Variants in JAML observed in about 807,000 individuals in gnomAD.
JAML encodes the protein junctional adhesion molecule-like.
Under a neutral mutation model 39.3 loss-of-function variants are expected in JAML, and 25 were observed. That is an observed-to-expected ratio of 0.64 (90% confidence interval 0.46 to 0.89). The LOEUF (loss-of-function observed/expected upper bound fraction) is 0.89, where lower values mean the gene tolerates loss of function less well. JAML is among the 40% of genes least tolerant of loss of function. The probability of loss-of-function intolerance (pLI) is 0.00; values close to 1 mark genes in which losing one functional copy is unlikely to be tolerated. For synonymous variants in JAML, 162 were observed against 179.2 expected (o/e 0.90, Z 0.77); for missense variants, 440 against 486.9 (o/e 0.90, Z 0.91).
intron 4 of JAML, chr11:118,209,205 A>C (rs1948989585): frequency 4.2e-6 from 1 of 236,772 alleles, no homozygotes; most frequent in Non-Finnish European, 8.4e-6. Flanking sequence ...ACCCAGTCAA[A>C]GAGGCGAAAA....
At chr11:118,211,882 A>G (rs1644200686) in intron 3 of JAML, among the ~76,000 whole-genome samples, 1 of 152,174 alleles carries the variant, frequency 6.6e-6, no homozygotes, top group African/African-American at 2.4e-5. Context: ...GGAGAAAATG[A>G]TGATTCCCCA....
intron 7 of JAML, 114 bp from the exon 8 acceptor site, chr11:118,198,205 T>C (rs1948700996): frequency 3.5e-6 from 3 of 856,092 alleles, no homozygotes; most frequent in Non-Finnish European, 5.7e-6. Context: ...GAAGGAACTA[T>C]TCTCTCTGGA....
rs999198205 is a variant in JAML, at chr11:118,222,301, T to C, written c.-21+2640A>G. Among the ~76,000 whole-genome samples the C allele has an allele frequency of 5.3e-5, 8 of 151,786 alleles. No homozygotes were observed. The highest frequency in any genetic ancestry group is 6.6e-5 in the Admixed American group (1 of 15,266). ...TGGATGTAGTGGCAGGCACCTGTAG[T>C]CCTAGCTACTCAGGAGGCTGAAGTG... is the stretch of plus-strand genomic sequence containing the variant. On this transcript the variant is annotated intron_variant, in intron 1 of 9. Transcript: ENST00000356289. This position sits in a 1 kb window ranked among gnomAD's most constrained non-coding sequence, Gnocchi z 4.2.
At chr11:118,205,757 G>C (rs548334829) in intron 5 of JAML, 125 bp downstream of exon 5, 2 of 792,242 alleles carry the variant, frequency 2.5e-6, no homozygotes, top group Non-Finnish European at 4.3e-6. Flanking sequence ...CTAGGAGAAG[G>C]TCCAGTTCTG....
chr11:118,204,536 A>G (rs559032507), intron 5 of JAML: 4 of 152,352 alleles, frequency 2.6e-5, no homozygotes, highest in South Asian at 4.1e-4. Context: ...TGCTCCTTGC[A>G]TACTGGCTGC....
At chr11:118,194,456 A>G (rs1189202997) in intron 9 of JAML, 39 bp from the exon 10 acceptor site, 2 of 1,536,000 alleles carry the variant, frequency 1.3e-6, no homozygotes, top group Admixed American at 1.7e-5. Context: ...ACATGCTTGT[A>G]AGAAGTAGTT....
chr11:118,196,938 G>A (rs992117252), intron 8 of JAML, 117 bp from the exon 9 acceptor site: 2 of 754,136 alleles, frequency 2.7e-6, no homozygotes, highest in Admixed American at 4.3e-5. Flanking sequence ...TGGTTCAGAG[G>A]GTTACTGAGA....
Position 118,194,249 on chromosome 11 carries a change from C to T in JAML, c.*76G>A, listed in dbSNP as rs1049065787. The T allele has an allele frequency of 2.5e-5, 32 of 1,298,858 alleles. 1 individual carries two copies. Among genetic ancestry groups the T allele is most frequent in the Admixed American group, 1.0e-4 (6 of 58,778 alleles). The allele number at this position is 1,298,858 out of a possible 1,614,324, so 80.5% of individuals were successfully genotyped here. A position where few individuals can be genotyped will look rare whatever the true frequency, so the allele number is the denominator to read the frequency against. Reference sequence around the variant, plus strand: ...AGCTGGGAGAGCGGGAGTCTGAAATCACTGGTAGAGTGGCCCAGGACACAC... The same window carrying T: ...AGCTGGGAGAGCGGGAGTCTGAAATTACTGGTAGAGTGGCCCAGGACACAC... On this transcript the variant is annotated 3_prime_UTR_variant, in exon 10 of 10. Transcript: ENST00000356289.
At chr11:118,216,905 C>G (rs1949150076) in intron 1 of JAML, among the ~76,000 whole-genome samples, 1 of 152,190 alleles carries the variant, frequency 6.6e-6, no homozygotes, top group East Asian at 1.9e-4. Context: ...CACCTTGCCC[C>G]ATACATACAT....
At chr11:118,216,646 CAG>C (rs1391897530) in intron 1 of JAML, among the ~76,000 whole-genome samples, 2 of 152,174 alleles carry the variant, frequency 1.3e-5, no homozygotes, top group Non-Finnish European at 2.9e-5. Context: ...GAGTCAGAAA[CAG>C]AGTTTGTAGC....
At position 118,194,105 on chromosome 11, in the gene JAML, G is replaced by T. The variant is rs1200829404; in HGVS notation, c.*220C>A. 5 of 513,548 alleles carry T rather than the reference G, an allele frequency of 9.7e-6. No homozygotes were observed. Among genetic ancestry groups the T allele is most frequent in the African/African-American group, 1.9e-5 (1 of 51,682 alleles). The allele number at this position is 513,548 out of a possible 1,614,324, so 31.8% of individuals were successfully genotyped here. A position where few individuals can be genotyped will look rare whatever the true frequency, so the allele number is the denominator to read the frequency against. ...CCCAGGGCCAGTGTCCCACTCCAGA[G>T]GCCAAGTCCATGCTCCCCTCCCCTC... is the stretch of plus-strand genomic sequence containing the variant. On this transcript the variant is annotated 3_prime_UTR_variant, in exon 10 of 10. Transcript: ENST00000356289.
chr11:118,209,704 T>A (rs895443444), intron 4 of JAML, among the ~76,000 whole-genome samples: 6 of 151,726 alleles, frequency 4.0e-5, no homozygotes, highest in African/African-American at 1.5e-4. Flanking sequence ...TATTATTTTT[T>A]TTTTATTTTT....
intron 1 of JAML, 117 bp downstream of exon 1, chr11:118,224,823 TG>T (rs1949246123): frequency 6.6e-6 from 1 of 152,248 alleles, no homozygotes; most frequent in Non-Finnish European, 1.5e-5. Flanking sequence ...TCAAGAGTTC[TG>T]CAATCGCAGC....
intron 1 of JAML, among the ~76,000 whole-genome samples, chr11:118,218,043 C>T (rs1276906062): frequency 6.6e-6 from 1 of 152,226 alleles, no homozygotes; most frequent in Non-Finnish European, 1.5e-5. Context: ...ATCATTTCCT[C>T]GGGAAACCTC....
At chr11:118,196,600 A>C (rs1948661439) in intron 9 of JAML, 135 bp downstream of exon 9, 1 of 721,902 alleles carries the variant, frequency 1.4e-6, no homozygotes. Flanking sequence ...GCAGAACTTC[A>C]GTTTCTCAGA....
intron 7 of JAML, 151 bp downstream of exon 7, chr11:118,200,323 G>A (rs1468035205): frequency 2.2e-6 from 2 of 911,602 alleles, no homozygotes; most frequent in African/African-American, 1.7e-5. Flanking sequence ...AGTAAGCAAA[G>A]TGGGCAGGGT....
intron 7 of JAML, among the ~76,000 whole-genome samples, chr11:118,199,351 A>G (rs905591189): frequency 9.2e-5 from 14 of 152,220 alleles, no homozygotes; most frequent in African/African-American, 3.4e-4. Flanking sequence ...AAAGACCTTT[A>G]GAGAGGCCAG....
At chr11:118,223,094 C>CAAAAAAA (rs56175225) in intron 1 of JAML, among the ~76,000 whole-genome samples, 1 of 93,196 alleles carries the variant, frequency 1.1e-5, no homozygotes. Context: ...GACTCTGTCT[C>CAAAAAAA]AAAAAAAAAA....
intron 7 of JAML, 146 bp from the exon 8 acceptor site, chr11:118,198,237 G>A (rs997115027): frequency 7.8e-6 from 5 of 638,532 alleles, no homozygotes; most frequent in Non-Finnish European, 1.4e-5. Flanking sequence ...AGGGCTACCC[G>A]GCTCACCTGG....
Sources: allele counts gnomAD v4.1 joint callset (sites outside exome capture counted in the v4.1 genomes callset), GRCh38; gene constraint gnomAD v4.1.1; non-coding constraint Gnocchi (gnomAD v3.1); transcripts MANE v1.5; gene names NCBI Gene and HGNC (gene_info 2026-07-23, HGNC 2026-07-21).